The following LUZP2 variants were observed in gnomAD, a reference collection of about 807,000 sequenced individuals.
LUZP2 encodes the protein leucine zipper protein 2.
LUZP2 carries 52 observed loss-of-function variants against 51.6 expected under a neutral mutation model. The observed-to-expected ratio is 1.01, with a 90% CI of 0.81 to 1.27. The LOEUF (loss-of-function observed/expected upper bound fraction) is 1.27, where lower values mean the gene tolerates loss of function less well. LUZP2 is among the 50% of genes most tolerant of loss of function. The pLI is 0.00. For missense variants in LUZP2, 436 were observed against 395.4 expected, an observed-to-expected ratio of 1.10 and a Z score of -0.87; for synonymous variants, 154 against 137.3, an observed-to-expected ratio of 1.12 and a Z score of -0.85.
intron 9 of LUZP2, among the ~76,000 whole-genome samples, chr11:25,011,065 G>A (rs1856971068): frequency 6.6e-6 from 1 of 152,088 alleles, no homozygotes; most frequent in African/African-American, 2.4e-5. Context: ...GTCATCAAAT[G>A]GGCACATCAT....
intron 1 of LUZP2, among the ~76,000 whole-genome samples, chr11:24,628,601 C>T (rs998566141): frequency 2.6e-5 from 4 of 152,070 alleles, no homozygotes; most frequent in African/African-American, 9.7e-5. Flanking sequence ...CGCTCTCTCC[C>T]AGGCTGGAGT....
chr11:25,013,023 A>ATG (rs1857027777), intron 9 of LUZP2, among the ~76,000 whole-genome samples: 1 of 152,196 alleles, frequency 6.6e-6, no homozygotes, highest in Non-Finnish European at 1.5e-5. Flanking sequence ...GTATACCCAA[A>ATG]TGGAATACTC....
chr11:24,869,513 G>A (rs1056774371), intron 5 of LUZP2, among the ~76,000 whole-genome samples: 1 of 152,026 alleles, frequency 6.6e-6, no homozygotes, highest in Non-Finnish European at 1.5e-5. Context: ...CTGGAGTGGA[G>A]TGGCATGAAT....
intron 5 of LUZP2, among the ~76,000 whole-genome samples, chr11:24,802,999 A>G (rs918134820): frequency 7.9e-5 from 12 of 152,184 alleles, no homozygotes; most frequent in Admixed American, 7.2e-4. Flanking sequence ...GTTATTTATA[A>G]ATTACCCAGT....
At position 25,056,162 on chromosome 11, in the gene LUZP2, G is replaced by A. The variant is rs144727639; in HGVS notation, c.858+6032G>A. 2.4e-3 allele frequency among the ~76,000 whole-genome samples: 359 copies of A among 152,242 alleles called. 3 individuals carry two copies. The highest frequency in any genetic ancestry group is 8.2e-3 in the African/African-American group (339 of 41,550). ...TTATTCAGTGCTACTTTACACAGCA[G>A]AACCAGATGCAGCTAGTAGAAACAG... On this transcript the variant is annotated intron_variant, in intron 10 of 11. Coordinates refer to ENST00000336930, the MANE Select transcript of LUZP2 (RefSeq NM_001009909.4).
intron 7 of LUZP2, among the ~76,000 whole-genome samples, chr11:24,915,518 C>A (rs1853763671): frequency 6.6e-6 from 1 of 152,066 alleles, no homozygotes; most frequent in Non-Finnish European, 1.5e-5. Flanking sequence ...GGTTATGCAT[C>A]CATGCAAAGG....
chr11:24,693,812 GAA>G (rs1857154971), intron 1 of LUZP2, among the ~76,000 whole-genome samples: 1 of 151,934 alleles, frequency 6.6e-6, no homozygotes, highest in South Asian at 2.1e-4. Context: ...GTAAAAATAT[GAA>G]AGAGGTGTAC....
chr11:24,539,658 A>C (rs1039821744), intron 1 of LUZP2, among the ~76,000 whole-genome samples: 2 of 152,026 alleles, frequency 1.3e-5, no homozygotes, highest in Non-Finnish European at 2.9e-5. Context: ...GGGGAAAAAC[A>C]AGTAATCAAT....
At chr11:24,765,654 G>T (rs562559546) in intron 5 of LUZP2, among the ~76,000 whole-genome samples, 137 of 143,696 alleles carry the variant, frequency 9.5e-4, no homozygotes, top group Non-Finnish European at 1.6e-3. Flanking sequence ...TTGAGACGGA[G>T]TCTCACTCTG....
In LUZP2 at chr11:24,661,063, T is replaced by C. The variant is rs561747859; in HGVS notation, c.63-68106T>C. 4.6e-5 allele frequency among the ~76,000 whole-genome samples: 7 copies of C among 152,274 alleles called. No individual in the cohort carries two copies. In the Middle Eastern group the frequency reaches 0.01, roughly 222 times the overall value. ...TGAAGCCATATCGTTATGAAAGAAG[T>C]ATATGACCTTTAGAGATAACATTGA... On this transcript the variant is annotated intron_variant, in intron 1 of 11. Transcript: ENST00000336930.
intron 11 of LUZP2, among the ~76,000 whole-genome samples, chr11:25,078,032 G>GATCAC (rs1859366150): frequency 6.6e-6 from 1 of 152,134 alleles, no homozygotes; most frequent in Non-Finnish European, 1.5e-5. Flanking sequence ...AAACAGGGAT[G>GATCAC]ATCACACAGG....
At chr11:24,706,448 A>G (rs6484068) in intron 1 of LUZP2, among the ~76,000 whole-genome samples, 110,768 of 151,954 alleles carry the variant, frequency 0.73, 40,778 homozygotes, top group East Asian at 0.98. Flanking sequence ...AGTAGCACCC[A>G]CATTCCATCT....
At chr11:24,926,421 A>ATGTGTGTATATATATACGTGTGTATATG (rs1854261432) in intron 7 of LUZP2, among the ~76,000 whole-genome samples, 1 of 135,252 alleles carries the variant, frequency 7.4e-6, no homozygotes, top group Non-Finnish European at 1.6e-5. Context: ...GTGTATATAT[A>ATGTGTGTATATATATACGTGTGTATATG]TGTGTGTATA....
chr11:24,721,390 A>G (rs568760158), intron 1 of LUZP2, among the ~76,000 whole-genome samples: 1 of 152,334 alleles, frequency 6.6e-6, no homozygotes, highest in East Asian at 1.9e-4. Context: ...AGGAAATACC[A>G]TATTTGGGGT....
intron 7 of LUZP2, among the ~76,000 whole-genome samples, chr11:24,941,103 C>T (rs1854734352): frequency 6.6e-6 from 1 of 152,050 alleles, no homozygotes; most frequent in South Asian, 2.1e-4. Context: ...TCAGGGTAAC[C>T]CACTGGGCAT....
At chr11:24,656,795 T>A (rs1466754069) in intron 1 of LUZP2, among the ~76,000 whole-genome samples, 1 of 152,168 alleles carries the variant, frequency 6.6e-6, no homozygotes, top group Non-Finnish European at 1.5e-5. Flanking sequence ...TCCGAGCCCC[T>A]CTGGTCTCCT....
intron 1 of LUZP2, among the ~76,000 whole-genome samples, chr11:24,521,638 A>G (rs1479331206): frequency 1.3e-5 from 2 of 152,160 alleles, no homozygotes; most frequent in Non-Finnish European, 2.9e-5. Context: ...AGAAGTTACC[A>G]CATTTAGCTT....
intron 7 of LUZP2, among the ~76,000 whole-genome samples, chr11:24,941,406 A>G (rs1224946289): frequency 6.6e-6 from 1 of 152,180 alleles, no homozygotes; most frequent in East Asian, 1.9e-4. Context: ...CGCAAATATA[A>G]AAAAGCAAAA....
In LUZP2 at chr11:24,810,992, T is replaced by C. The variant is rs147670831; in HGVS notation, c.396+47684T>C. ...AACTGGGAGTTCATGACAAGTAGTA[T>C]CAGTGTCTTCTGCAGGTCACACTCA... On this transcript the variant is annotated intron_variant, in intron 5 of 11. Coordinates refer to ENST00000336930, the MANE Select transcript of LUZP2 (RefSeq NM_001009909.4). Among the ~76,000 whole-genome samples, 1,311 of 152,262 alleles carry C rather than the reference T, an allele frequency of 8.6e-3. 24 individuals are homozygous for C. The highest frequency in any genetic ancestry group is 0.041 in the East Asian group (212 of 5,172).
Sources: allele counts gnomAD v4.1 joint callset (sites outside exome capture counted in the v4.1 genomes callset), GRCh38; gene constraint gnomAD v4.1.1; transcripts MANE v1.5; gene names NCBI Gene and HGNC (gene_info 2026-07-23, HGNC 2026-07-21).